The following NSD2 variants were observed in gnomAD, a reference collection of about 807,000 sequenced individuals.
NSD2 encodes the protein histone-lysine N-methyltransferase NSD2.
A neutral mutation model predicts 139.0 loss-of-function variants in NSD2; 12 were observed. That is an observed-to-expected ratio of 0.09 (90% CI 0.06 to 0.14). The LOEUF (loss-of-function observed/expected upper bound fraction) is 0.14. Ranked by LOEUF, NSD2 falls within the 10% of genes least tolerant of loss-of-function variation. The pLI, the probability that NSD2 is intolerant of heterozygous loss-of-function variation, is 1.00. For synonymous variants in NSD2, 669 were observed against 648.7 expected, an observed-to-expected ratio of 1.03 and a Z score of -0.48; for missense variants, 1,155 against 1,745.0, an observed-to-expected ratio of 0.66 and a Z score of 6.02.
At chr4:1,875,159 A>G (rs1482855003) in intron 1 of NSD2, among the ~76,000 whole-genome samples, 1 of 151,352 alleles carries the variant, frequency 6.6e-6, no homozygotes, top group East Asian at 1.9e-4. Context: ...TCAGTCTTGC[A>G]GTGTTTGGGC....
intron 3 of NSD2, among the ~76,000 whole-genome samples, chr4:1,914,439 C>T (rs1434847689): frequency 6.6e-6 from 1 of 152,136 alleles, no homozygotes; most frequent in Non-Finnish European, 1.5e-5. Flanking sequence ...GATTCTCCCG[C>T]CTCAGCCTCC....
intron 7 of NSD2, 33 bp from the exon 8 acceptor site, chr4:1,938,418 T>TTTTTTTTTTTTTTTTTTTTTTC: frequency 2.2e-6 from 1 of 449,654 alleles, no homozygotes; most frequent in East Asian, 8.4e-5. Flanking sequence ...TTTTCTTTCT[T>TTTTTTTTTTTTTTTTTTTTTTC]TTTTTTTTTT....
At position 1,918,551 on chromosome 4, in the gene NSD2, C is replaced by G; in HGVS notation, c.1338C>G (p.Val446=). ...GSPPGRKKTT[V]SMPRSRKGDA... ...CTCCTGGGAGGAAGAAGACCACAGT[C>G]TCCATGCCACGAAGCAGGAAGGGAG... Residue 446 remains valine, a synonymous_variant, in exon 5 of 22, where the codon GTC becomes GTG. Coordinates refer to ENST00000508803, the MANE Select transcript of NSD2 (RefSeq NM_001042424.3). The G allele has an allele frequency of 5.0e-6, 8 of 1,613,920 alleles. No homozygotes were observed. Among genetic ancestry groups the G allele is most frequent in the Non-Finnish European group, 6.8e-6 (8 of 1,179,972 alleles).
At chr4:1,929,723 G>A (rs571275771) in intron 5 of NSD2, among the ~76,000 whole-genome samples, 2 of 152,286 alleles carry the variant, frequency 1.3e-5, no homozygotes, top group Admixed American at 6.5e-5. Flanking sequence ...ACAGGTGGTG[G>A]GTTACACCTG....
chr4:1,895,679 GGCAT>G (rs1380944604), intron 1 of NSD2, among the ~76,000 whole-genome samples: 1 of 152,160 alleles, frequency 6.6e-6, no homozygotes, highest in African/African-American at 2.4e-5. Context: ...TTACCTCAGG[GGCAT>G]CTCTCAGTGG....
Position 1,904,102 on chromosome 4 carries a change from A to G in NSD2, c.598-114A>G, listed in dbSNP as rs1437671344. The G allele has an allele frequency of 2.5e-6, 3 of 1,210,904 alleles. No homozygotes were observed. In the East Asian group the frequency reaches 7.5e-5, roughly 30 times the overall value. The allele number at this position is 1,210,904 out of a possible 1,614,324, so 75.0% of individuals were successfully genotyped here. A position where few individuals can be genotyped will look rare whatever the true frequency, so the allele number is the denominator to read the frequency against. On this transcript the variant is annotated intron_variant, in intron 2 of 21. Transcript: ENST00000508803. ...AAAACACAGCAAGGGAGCACACTCC[A>G]TTTTTGGGGGTCTGTGTGTATTTGG...
intron 1 of NSD2, among the ~76,000 whole-genome samples, chr4:1,898,020 T>C (rs536677407): frequency 8.5e-5 from 13 of 152,324 alleles, no homozygotes; most frequent in East Asian, 5.8e-4. Flanking sequence ...CCTTTTTTTT[T>C]CCCTCCTCCT....
At chr4:1,889,063 A>C (rs1715335466) in intron 1 of NSD2, among the ~76,000 whole-genome samples, 2 of 151,392 alleles carry the variant, frequency 1.3e-5, no homozygotes, top group South Asian at 4.1e-4. Flanking sequence ...ATGCCTGGCT[A>C]ATTTTTGTAT....
intron 1 of NSD2, among the ~76,000 whole-genome samples, chr4:1,889,269 T>C (rs1715353134): frequency 6.6e-6 from 1 of 151,966 alleles, no homozygotes; most frequent in Non-Finnish European, 1.5e-5. Flanking sequence ...TAATTATGGC[T>C]CACAGCCTCT....
intron 6 of NSD2, among the ~76,000 whole-genome samples, chr4:1,934,869 AAAAAAAAAAATAT>A (rs1206483557): frequency 1.9e-5 from 2 of 104,332 alleles, no homozygotes; most frequent in African/African-American, 8.2e-5. Flanking sequence ...AAAAAAAAAA[AAAAAAAAAAATAT>A]ATATATATAT....
At chr4:1,883,863 C>T (rs1052948369) in intron 1 of NSD2, among the ~76,000 whole-genome samples, 1 of 152,216 alleles carries the variant, frequency 6.6e-6, no homozygotes, top group Non-Finnish European at 1.5e-5. Flanking sequence ...GAGCTGCACG[C>T]AGGAGCTGCG....
chr4:1,930,381 A>G (rs990995352), intron 5 of NSD2, among the ~76,000 whole-genome samples: 4 of 152,166 alleles, frequency 2.6e-5, no homozygotes, highest in African/African-American at 4.8e-5. Context: ...ATCATTTCCA[A>G]CATTTACAGA....
At position 1,980,133 on chromosome 4, in the gene NSD2, G is replaced by C. The variant is rs368817154; in HGVS notation, c.*1224G>C. 3 of 233,308 alleles carry C rather than the reference G, an allele frequency of 1.3e-5. No homozygotes were observed. The highest frequency in any genetic ancestry group is 2.2e-5 in the African/African-American group (1 of 45,354). 14.5% of individuals were successfully genotyped at this position (233,308 alleles called of 1,614,324 possible). ...CCTGCCTGGCAGGTGTGCGTGCCTC[G>C]TACGTGTGTTATGGGCACTGGTCTA... On this transcript the variant is annotated 3_prime_UTR_variant, in exon 22 of 22. Coordinates refer to ENST00000508803, the MANE Select transcript of NSD2 (RefSeq NM_001042424.3).
Position 1,909,164 on chromosome 4 carries a change from T to C in NSD2, c.760+4786T>C, listed in dbSNP as rs73202830. ...GGGAGTTCTATTAAGTTCCTTTAAG[T>C]TGTATGCCTTTGACATGTCCCCGTC... is the stretch of plus-strand genomic sequence containing the variant. On this transcript the variant is annotated intron_variant, in intron 3 of 21. Transcript: ENST00000508803. 4.7e-3 allele frequency among the ~76,000 whole-genome samples: 710 copies of C among 152,288 alleles called. 5 individuals carry two copies. Among genetic ancestry groups the C allele is most frequent in the South Asian group, 0.012 (60 of 4,834 alleles).
chr4:1,903,486 G>A (rs1333397995), intron 2 of NSD2, among the ~76,000 whole-genome samples: 1 of 152,196 alleles, frequency 6.6e-6, no homozygotes, highest in Non-Finnish European at 1.5e-5. Flanking sequence ...ACCACACTGG[G>A]ATGGTTCATG....
rs187513553 is a variant in NSD2 at position 1,971,235 on chromosome 4, C to T, written c.3373-3628C>T. Among the ~76,000 whole-genome samples, 354 of 152,128 alleles carry T rather than the reference C, an allele frequency of 2.3e-3. 1 individual carries two copies. Among genetic ancestry groups the T allele is most frequent in the African/African-American group, 8.1e-3 (336 of 41,508 alleles). On this transcript the variant is annotated intron_variant, in intron 18 of 21. Coordinates refer to ENST00000508803, the MANE Select transcript of NSD2 (RefSeq NM_001042424.3). ...GGCCAAAGGTATGCCAAGGTGAAGT[C>T]GAAGAAAGGAGTTGTTCTCAGACAA...
chr4:1,886,847 AT>A (rs1353452907), intron 1 of NSD2, among the ~76,000 whole-genome samples: 14 of 152,130 alleles, frequency 9.2e-5, no homozygotes, highest in Admixed American at 7.2e-4. Flanking sequence ...CAAAAAAAAA[AT>A]AACTTGCTTA....
Position 1,981,952 on chromosome 4 carries a change from A to T in NSD2, c.*3043A>T. 1 of 398,526 alleles carries T rather than the reference A, an allele frequency of 2.5e-6. No individual in the cohort carries two copies. The highest frequency in any genetic ancestry group is 4.4e-6 in the Non-Finnish European group (1 of 226,054). The allele number at this position is 398,526 out of a possible 1,614,324, so 24.7% of individuals were successfully genotyped here. ...CCGTCAGAAATTAAATACAAACTTAAATGTGCCTATTGGTGTCTAAACTTC... is the reference window on the plus strand; with the variant it reads ...CCGTCAGAAATTAAATACAAACTTATATGTGCCTATTGGTGTCTAAACTTC... On this transcript the variant is annotated 3_prime_UTR_variant, in exon 22 of 22. Coordinates refer to ENST00000508803, the MANE Select transcript of NSD2 (RefSeq NM_001042424.3).
intron 11 of NSD2, chr4:1,953,105 G>A: frequency 6.6e-7 from 1 of 1,514,582 alleles, no homozygotes; most frequent in Non-Finnish European, 8.9e-7. Context: ...TGTATTTCAG[G>A]TGAAGCTGGA....
Sources: allele counts gnomAD v4.1 joint callset (sites outside exome capture counted in the v4.1 genomes callset), GRCh38; gene constraint gnomAD v4.1.1; transcripts MANE v1.5; gene names NCBI Gene and HGNC (gene_info 2026-07-23, HGNC 2026-07-21).